The following MALRD1 variants were observed in gnomAD, a reference collection of about 807,000 sequenced individuals.
The protein encoded by MALRD1 is MAM and LDL-receptor class A domain-containing protein 1.
A neutral mutation model predicts 242.1 loss-of-function variants in MALRD1; 247 were observed. The observed-to-expected ratio is 1.02, with a 90% confidence interval of 0.92 to 1.13. MALRD1 has a LOEUF of 1.13. Among genes scored for constraint, MALRD1 ranks in the 50% most tolerant of loss-of-function variants. MALRD1 has a pLI of 0.00. For missense variants in MALRD1, 2,989 were observed against 2,533.1 expected (o/e 1.18, Z -3.86); for synonymous variants, 995 against 866.6 (o/e 1.15, Z -2.60).
At chr10:19,342,357 C>A (rs1309532054) in intron 24 of MALRD1, among the ~76,000 whole-genome samples, 1 of 151,942 alleles carries the variant, frequency 6.6e-6, no homozygotes, top group African/African-American at 2.4e-5. Context: ...CATATTACTA[C>A]CAGATTTCCT....
chr10:19,650,985 A>G (rs1398171561), intron 36 of MALRD1, among the ~76,000 whole-genome samples: 3 of 152,178 alleles, frequency 2.0e-5, no homozygotes, highest in Non-Finnish European at 4.4e-5. Flanking sequence ...TGAGTGGATA[A>G]TAGAAAGCCA....
At chr10:19,530,421 A>AG (rs57021132) in intron 31 of MALRD1, among the ~76,000 whole-genome samples, 1 of 19,512 alleles carries the variant, frequency 5.1e-5, no homozygotes, top group Admixed American at 8.3e-4. Flanking sequence ...ATATAATAAT[A>AG]AATATATAAT....
rs375003842 is a variant in MALRD1, at chr10:19,555,799, G to C, written c.5479-11703G>C. On this transcript the variant is annotated intron_variant, in intron 32 of 39. Transcript: ENST00000454679. ...TGCCTCTAATTAGGCAAAGATGTTT[G>C]GTCTCTAAAGATTGAGTTGGGGAAA... Among the ~76,000 whole-genome samples the C allele has an allele frequency of 9.2e-4, 140 of 152,182 alleles. 1 individual carries two copies. The highest frequency in any genetic ancestry group is 3.2e-3 in the African/African-American group (132 of 41,492).
chr10:19,460,948 T>C (rs1835908414), intron 29 of MALRD1, among the ~76,000 whole-genome samples: 1 of 152,180 alleles, frequency 6.6e-6, no homozygotes, highest in Admixed American at 6.5e-5. Context: ...CTGCTGTATG[T>C]TGGTGCTACA....
At position 19,558,851 on chromosome 10, in the gene MALRD1, A is replaced by G. The variant is rs79808354; in HGVS notation, c.5479-8651A>G. Among the ~76,000 whole-genome samples, 371 of 152,228 alleles carry G rather than the reference A, an allele frequency of 2.4e-3. 1 individual carries two copies. The highest frequency in any genetic ancestry group is 8.5e-3 in the African/African-American group (351 of 41,538). On this transcript the variant is annotated intron_variant, in intron 32 of 39. Coordinates refer to ENST00000454679, the MANE Select transcript of MALRD1 (RefSeq NM_001142308.3). ...GATGTGCCTTTCAAGGAATTGGTCA[A>G]TTACATCTAGATTATCAAATATATG... is the stretch of plus-strand genomic sequence containing the variant.
At chr10:19,702,473 T>C (rs1487886295) in intron 38 of MALRD1, among the ~76,000 whole-genome samples, 1 of 152,222 alleles carries the variant, frequency 6.6e-6, no homozygotes, top group Non-Finnish European at 1.5e-5. Context: ...TGACATCATG[T>C]TGTAACAGCT....
At chr10:19,438,331 T>C (rs1834442639) in intron 28 of MALRD1, among the ~76,000 whole-genome samples, 1 of 152,166 alleles carries the variant, frequency 6.6e-6, no homozygotes, top group South Asian at 2.1e-4. Context: ...AATTGGCTTT[T>C]TAAGGCTGAA....
At chr10:19,720,023 TA>T (rs1259072490) in intron 38 of MALRD1, among the ~76,000 whole-genome samples, 1 of 152,234 alleles carries the variant, frequency 6.6e-6, no homozygotes, top group East Asian at 1.9e-4. Context: ...TTTCTTCTAT[TA>T]CCTTATGACT....
At chr10:19,333,506 C>T (rs7916240) in intron 24 of MALRD1, among the ~76,000 whole-genome samples, 19,625 of 152,026 alleles carry the variant, frequency 0.13, 1,302 homozygotes, top group South Asian at 0.15. Flanking sequence ...TGTATTATTC[C>T]GTGGTGTATA....
chr10:19,451,314 A>G (rs528666984), intron 29 of MALRD1, among the ~76,000 whole-genome samples: 1 of 152,302 alleles, frequency 6.6e-6, no homozygotes, highest in East Asian at 1.9e-4. Context: ...TGTGCTTGGG[A>G]GATTTAAAGA....
At position 19,347,823 on chromosome 10, in the gene MALRD1, G is replaced by A; in HGVS notation, c.3954G>A (p.Gln1318=). 6.4e-7 allele frequency: 1 copy of A among 1,550,484 alleles called. No homozygotes were observed. Among genetic ancestry groups the A allele is most frequent in the Non-Finnish European group, 8.7e-7 (1 of 1,146,848 alleles). Residue 1318 remains glutamine (Q), a synonymous_variant, in exon 25 of 40, where the codon CAG becomes CAA. Coordinates refer to ENST00000454679, the MANE Select transcript of MALRD1 (RefSeq NM_001142308.3). ...AATTTGATCTTTGTTCCTGGAAGCA[G>A]GAGAAAGATGAGGACTTTGACTGGA... The part of the protein sequence containing the change: ...DFEFDLCSWK[Q]EKDEDFDWNL...
intron 1 of MALRD1, among the ~76,000 whole-genome samples, chr10:19,062,137 A>C (rs1386766030): frequency 6.6e-6 from 1 of 152,208 alleles, no homozygotes; most frequent in Non-Finnish European, 1.5e-5. Flanking sequence ...TCTCAAAAAA[A>C]TACATAAATG....
At chr10:19,350,018 G>C (rs925395998) in intron 25 of MALRD1, among the ~76,000 whole-genome samples, 1 of 152,012 alleles carries the variant, frequency 6.6e-6, no homozygotes, top group Admixed American at 6.6e-5. Context: ...TTATGATACA[G>C]ATTGAATAAA....
chr10:19,605,826 T>G (rs1838591755), intron 34 of MALRD1, among the ~76,000 whole-genome samples: 1 of 152,110 alleles, frequency 6.6e-6, no homozygotes, highest in Admixed American at 6.6e-5. Context: ...GTATTGTTGT[T>G]CTCTTGTCAT....
intron 28 of MALRD1, among the ~76,000 whole-genome samples, chr10:19,392,687 T>A (rs1326740351): frequency 6.6e-6 from 1 of 152,172 alleles, no homozygotes; most frequent in East Asian, 1.9e-4. Flanking sequence ...AGTCAAGCAA[T>A]GGGTGAATAA....
At chr10:19,523,684 T>G (rs1833973944) in intron 31 of MALRD1, among the ~76,000 whole-genome samples, 1 of 152,200 alleles carries the variant, frequency 6.6e-6, no homozygotes, top group Admixed American at 6.5e-5. Flanking sequence ...TGGCAACGAA[T>G]TTCACTTATA....
At chr10:19,684,413 G>A (rs1265348122) in intron 36 of MALRD1, among the ~76,000 whole-genome samples, 1 of 152,142 alleles carries the variant, frequency 6.6e-6, no homozygotes, top group Non-Finnish European at 1.5e-5. Flanking sequence ...TATAAATGGA[G>A]AGCGACACCA....
chr10:19,279,855 C>CAA (rs1394205920), intron 19 of MALRD1, among the ~76,000 whole-genome samples, 192 bp from the exon 20 acceptor site: 1 of 152,136 alleles, frequency 6.6e-6, no homozygotes, highest in African/African-American at 2.4e-5. Flanking sequence ...TTGTCATGAT[C>CAA]AAAGATGTTT....
At chr10:19,732,407 C>T (rs558696962) in intron 39 of MALRD1, among the ~76,000 whole-genome samples, 225 of 152,126 alleles carry the variant, frequency 1.5e-3, no homozygotes, top group African/African-American at 5.0e-3. Flanking sequence ...GGATTAGAGG[C>T]GCCTGCCACC....
Sources: allele counts gnomAD v4.1 joint callset (sites outside exome capture counted in the v4.1 genomes callset), GRCh38; gene constraint gnomAD v4.1.1; transcripts MANE v1.5; gene names NCBI Gene and HGNC (gene_info 2026-07-23, HGNC 2026-07-21).